CBFA2T3: variants seen among roughly 807,000 people sequenced by gnomAD.
CBFA2T3 encodes transcriptional corepressor CBFA2T3.
In CBFA2T3, 31 loss-of-function variants were observed where a neutral mutation model predicts 58.6. The ratio of observed to expected loss-of-function variants is 0.53; its 90% confidence interval spans 0.40 to 0.71. The LOEUF (loss-of-function observed/expected upper bound fraction) is 0.71. Among genes scored for constraint, CBFA2T3 ranks in the 30% least tolerant of loss-of-function variants. The pLI is 0.00. For missense variants in CBFA2T3, 1,076 were observed against 963.1 expected, an observed-to-expected ratio of 1.12 and a Z score of -1.55; for synonymous variants, 531 against 421.9, an observed-to-expected ratio of 1.26 and a Z score of -3.17.
At position 88,886,083 on chromosome 16, in the gene CBFA2T3, C is replaced by A; in HGVS notation, c.771G>T (p.Thr257=). Residue 257 remains threonine, a synonymous_variant, in exon 6 of 12, where the codon ACG becomes ACT. Coordinates refer to ENST00000268679, the MANE Select transcript of CBFA2T3 (RefSeq NM_005187.6). ...CATGCTGGGCCAAGTACTGGGCGGG[C>A]GTCTGCTTGGCCAGGCGTGCACAGT... ...LLHCARLAKQ[T]PAQYLAQHEQ... is the part of the protein sequence containing the mutation. 6.3e-7 allele frequency: 1 copy of A among 1,590,914 alleles called. No homozygotes were observed. The highest frequency in any genetic ancestry group is 2.2e-5 in the East Asian group (1 of 44,462).
intron 1 of CBFA2T3, among the ~76,000 whole-genome samples, chr16:88,969,023 A>C (rs1031571560): frequency 2.5e-4 from 38 of 152,108 alleles, no homozygotes; most frequent in African/African-American, 8.9e-4. Flanking sequence ...CCCTCAGCAG[A>C]CCCAGCCCCA....
At chr16:88,888,817 G>A (rs550370977) in intron 5 of CBFA2T3, among the ~76,000 whole-genome samples, 16 of 152,034 alleles carry the variant, frequency 1.1e-4, no homozygotes, top group African/African-American at 3.4e-4. Context: ...GTGGGGGCAC[G>A]AGGTGGGCTG....
chr16:88,958,156 G>T lies in CBFA2T3; in HGVS notation c.151+18501C>A, dbSNP rs534684631. Among the ~76,000 whole-genome samples the T allele has an allele frequency of 1.4e-3, 210 of 152,350 alleles. No homozygotes were observed. Among genetic ancestry groups the T allele is most frequent in the Admixed American group, 2.8e-3 (43 of 15,308 alleles). On this transcript the variant is annotated intron_variant, in intron 1 of 11. Transcript: ENST00000268679. This position sits in a 1 kb window ranked among gnomAD's most constrained non-coding sequence, Gnocchi z 4.0. ...CAAGGCCGTGCACACCCACGAGGCCGTAGGAAGCCTGGTCAGGCTGTCGGG... is the reference window on the plus strand; with the variant it reads ...CAAGGCCGTGCACACCCACGAGGCCTTAGGAAGCCTGGTCAGGCTGTCGGG...
intron 1 of CBFA2T3, among the ~76,000 whole-genome samples, chr16:88,934,676 G>A (rs1397496856): frequency 2.0e-5 from 3 of 152,280 alleles, no homozygotes; most frequent in Non-Finnish European, 4.4e-5. Flanking sequence ...AGGAGGCAGA[G>A]ATGCCACGAA....
At chr16:88,879,241 T>C (rs1597653395) in intron 11 of CBFA2T3, 29 bp downstream of exon 11, 15 of 1,559,260 alleles carry the variant, frequency 9.6e-6, no homozygotes, top group Non-Finnish European at 1.3e-5. Flanking sequence ...AGGCAGGGGA[T>C]GGGTGTCAGC....
At chr16:88,955,915 C>T (rs868262405) in intron 1 of CBFA2T3, among the ~76,000 whole-genome samples, 1 of 147,446 alleles carries the variant, frequency 6.8e-6, no homozygotes, top group Non-Finnish European at 1.5e-5. Context: ...AGGCTCCTGA[C>T]CCCAGCCAAG....
Position 88,885,029 on chromosome 16 carries a change from C to G in CBFA2T3, c.1117+17G>C. 1 of 1,572,820 alleles carries G rather than the reference C, an allele frequency of 6.4e-7. No individual in the cohort carries two copies. Among genetic ancestry groups the G allele is most frequent in the African/African-American group, 1.3e-5 (1 of 74,352 alleles). On this transcript the variant is annotated intron_variant, in intron 7 of 11. Transcript: ENST00000268679. This position sits in a 1 kb window ranked among gnomAD's most constrained non-coding sequence, Gnocchi z 5.3. ...CTGTAACACGCGTCCACGCTCCCGC[C>G]CCACCGGGCTGCTCACCAAGCGGCC...
chr16:88,881,265 T>C (rs1390276948), intron 9 of CBFA2T3, 26 bp downstream of exon 9: 1 of 1,592,296 alleles, frequency 6.3e-7, no homozygotes, highest in South Asian at 1.1e-5. Flanking sequence ...CCGTGTCTGC[T>C]CCCTCCCCCC....
chr16:88,892,558 G>A (rs1567585784), intron 3 of CBFA2T3, 73 bp from the exon 4 acceptor site: 2 of 1,527,830 alleles, frequency 1.3e-6, no homozygotes, highest in Non-Finnish European at 1.8e-6. Flanking sequence ...GCGACAGTGA[G>A]GGAAGCAGCG....
chr16:88,943,590 C>T (rs894959401), intron 1 of CBFA2T3, among the ~76,000 whole-genome samples: 16 of 152,308 alleles, frequency 1.1e-4, no homozygotes, highest in African/African-American at 3.6e-4. Flanking sequence ...GTCAGCCTGA[C>T]GCCTAGCCCA....
intron 9 of CBFA2T3, 171 bp from the exon 10 acceptor site, chr16:88,880,959 C>T (rs533882934): frequency 4.1e-5 from 28 of 685,608 alleles, no homozygotes; most frequent in South Asian, 1.7e-4. Flanking sequence ...GGGCAGTGCC[C>T]GGGCACGGGG....
In CBFA2T3 at chr16:88,885,375, A is replaced by C; in HGVS notation, c.894-106T>G. On this transcript the variant is annotated intron_variant, in intron 6 of 11. Transcript: ENST00000268679. The surrounding 1 kb of genome is among the most constrained non-coding windows in gnomAD (Gnocchi z 5.3). The stretch of plus-strand genomic sequence containing the variant: ...ACAGGCAAGGGCAGAGAGAAAGAGG[A>C]CACGTAAGGGCGAGACAGAAACACG... The C allele has an allele frequency of 1.4e-6, 1 of 726,180 alleles. No individual in the cohort carries two copies. The allele number at this position is 726,180 out of a possible 1,614,324, so 45.0% of individuals were successfully genotyped here.
chr16:88,928,224 G>A (rs1298076927), intron 1 of CBFA2T3, among the ~76,000 whole-genome samples: 1 of 152,238 alleles, frequency 6.6e-6, no homozygotes, highest in Non-Finnish European at 1.5e-5. Flanking sequence ...GCAGCACTGG[G>A]GCCCGGGGCA....
chr16:88,874,971 C>G lies in CBFA2T3; in HGVS notation c.*2005G>C. The G allele has an allele frequency of 4.3e-6, 1 of 233,578 alleles. No homozygotes were observed. Among genetic ancestry groups the G allele is most frequent in the Admixed American group, 5.6e-5 (1 of 17,794 alleles). 14.5% of individuals were successfully genotyped at this position (233,578 alleles called of 1,614,324 possible). On this transcript the variant is annotated 3_prime_UTR_variant, in exon 12 of 12. Transcript: ENST00000268679. Reference sequence around the variant, plus strand: ...ATTAACGTACACGCTCAGCTTCAGGCCTCTGGCGGGCTGTTCGTGGCTGGT... The same window carrying G: ...ATTAACGTACACGCTCAGCTTCAGGGCTCTGGCGGGCTGTTCGTGGCTGGT...
chr16:88,973,752 C>T (rs1047117509), intron 1 of CBFA2T3, among the ~76,000 whole-genome samples: 86 of 152,272 alleles, frequency 5.6e-4, no homozygotes, highest in African/African-American at 1.9e-3. Flanking sequence ...AGGGCAAGGT[C>T]GGGTAGAGGG....
rs748453376 is a variant in CBFA2T3, at chr16:88,885,128, C to G, written c.1035G>C (p.Glu345Asp). 1 of 1,601,430 alleles carries G rather than the reference C, an allele frequency of 6.2e-7. No homozygotes were observed. The highest frequency in any genetic ancestry group is 8.5e-7 in the Non-Finnish European group (1 of 1,175,942). ...GGAAGTGGTGGGCCATGGCTATGTC[C>G]TCCAGGCGGTAGTGCGGCGGCGGTG... is the stretch of plus-strand genomic sequence containing the variant. ...QPTPPPHYRL[E>D]DIAMAHHFRD... is the part of the protein sequence containing the mutation. The change falls in exon 7 of 12, where the codon GAG (glutamate) becomes GAC (aspartate). Residue 345 changes from glutamate (E) to aspartate (D), a missense_variant. Physicochemically the swap from Glu to Asp is conservative, Grantham distance 45. Coordinates refer to ENST00000268679, the MANE Select transcript of CBFA2T3 (RefSeq NM_005187.6). The surrounding 1 kb of genome is among the most constrained non-coding windows in gnomAD (Gnocchi z 5.3).
intron 1 of CBFA2T3, among the ~76,000 whole-genome samples, chr16:88,969,229 GT>G (rs1461552262): frequency 6.6e-6 from 1 of 152,198 alleles, no homozygotes; most frequent in Non-Finnish European, 1.5e-5. Context: ...CCCCCACTCT[GT>G]CCCCCTCAGG....
rs756950871 is a variant in CBFA2T3 at position 88,892,502 on chromosome 16, G to C, written c.380-17C>G. On this transcript the variant is annotated splice_polypyrimidine_tract_variant and intron_variant, in intron 3 of 11. Transcript: ENST00000268679. The stretch of plus-strand genomic sequence containing the variant: ...CGTTCATCACTGCAGGAGGGAAGCG[G>C]ACATGAGGACACAAAGGTGATGGTG... 6.2e-7 allele frequency: 1 copy of C among 1,609,834 alleles called. No homozygotes were observed. Among genetic ancestry groups the C allele is most frequent in the South Asian group, 1.1e-5 (1 of 91,080 alleles).
chr16:88,945,940 A>G (rs866656760), intron 1 of CBFA2T3, among the ~76,000 whole-genome samples: 2 of 152,366 alleles, frequency 1.3e-5, no homozygotes, highest in South Asian at 4.1e-4. Flanking sequence ...AGGTGAATAC[A>G]TAAAATACTG....
Sources: allele counts gnomAD v4.1 joint callset (sites outside exome capture counted in the v4.1 genomes callset), GRCh38; gene constraint gnomAD v4.1.1; non-coding constraint Gnocchi (gnomAD v3.1); transcripts MANE v1.5; gene names NCBI Gene and HGNC (gene_info 2026-07-23, HGNC 2026-07-21).